Variants in INSC observed in about 807,000 individuals in gnomAD.
INSC encodes the protein INSC spindle orientation adaptor protein, also known as protein inscuteable homolog.
INSC carries 67 observed loss-of-function variants against 58.6 expected under a neutral mutation model. The observed-to-expected ratio is 1.14, with a 90% CI of 0.94 to 1.40. The LOEUF (loss-of-function observed/expected upper bound fraction) is 1.40. INSC is among the 40% of genes most tolerant of loss of function. INSC has a pLI of 0.00. For missense variants in INSC, 714 were observed against 692.0 expected (o/e 1.03, Z -0.36); for synonymous variants, 262 against 276.1 (o/e 0.95, Z 0.51).
intron 2 of INSC, among the ~76,000 whole-genome samples, chr11:15,167,246 A>G (rs1214373540): frequency 2.0e-5 from 3 of 152,078 alleles, no homozygotes; most frequent in African/African-American, 7.2e-5. Flanking sequence ...TTCAGCTGCT[A>G]ATAGGCCAGA....
intron 5 of INSC, among the ~76,000 whole-genome samples, chr11:15,183,249 C>A (rs577336598): frequency 1.5e-4 from 23 of 150,912 alleles, no homozygotes; most frequent in Non-Finnish European, 3.1e-4. Flanking sequence ...TATTTGGGAG[C>A]CTGAGGCAGG....
rs556362548 is a variant in INSC at position 15,209,319 on chromosome 11, G to T, written c.819+8370G>T. ...AGTGTCAATCCCTGCCTTGCAGGTT[G>T]TGAAGATGATACAAGTCAATGCTCC... is the stretch of plus-strand genomic sequence containing the variant. On this transcript the variant is annotated intron_variant, in intron 7 of 12. Transcript: ENST00000379556. Among the ~76,000 whole-genome samples the T allele has an allele frequency of 3.3e-5, 5 of 152,322 alleles. No homozygotes were observed. In the South Asian group the frequency reaches 1.0e-3, roughly 32 times the overall value.
At chr11:15,173,455 G>A (rs1849469810) in intron 2 of INSC, among the ~76,000 whole-genome samples, 1 of 152,138 alleles carries the variant, frequency 6.6e-6, no homozygotes, top group Admixed American at 6.5e-5. Flanking sequence ...GTAATAAGAT[G>A]CAGAAGATTA....
chr11:15,138,656 A>G (rs1051820453), intron 1 of INSC, among the ~76,000 whole-genome samples: 1 of 152,256 alleles, frequency 6.6e-6, no homozygotes, highest in African/African-American at 2.4e-5. Flanking sequence ...CTTCATTGCC[A>G]CAAAGATGGA....
At chr11:15,268,323 A>G in the INSC span, among the ~76,000 whole-genome samples, 3 of 152,076 alleles carry the variant, frequency 2.0e-5, no homozygotes, top group African/African-American at 4.8e-5. Context: ...GACTATAAAG[A>G]AACTACTTTA....
Position 15,202,617 on chromosome 11 carries a change from C to T in INSC, c.819+1668C>T, listed in dbSNP as rs528396218. Among the ~76,000 whole-genome samples, 16 of 152,290 alleles carry T rather than the reference C, an allele frequency of 1.1e-4. 1 individual carries two copies. Among genetic ancestry groups the T allele is most frequent in the South Asian group, 4.1e-4 (2 of 4,826 alleles). On this transcript the variant is annotated intron_variant, in intron 7 of 12. Transcript: ENST00000379556. ...TGTCCTTCCTTGGATAGTGTACAAACGACCAAATGGGGTTTGTTTCTCACC... is the reference window on the plus strand; with the variant it reads ...TGTCCTTCCTTGGATAGTGTACAAATGACCAAATGGGGTTTGTTTCTCACC...
At chr11:15,140,583 C>CTT (rs893928175) in intron 1 of INSC, among the ~76,000 whole-genome samples, 5 of 140,580 alleles carry the variant, frequency 3.6e-5, no homozygotes, top group African/African-American at 2.6e-5. Context: ...TTTCTTTCTT[C>CTT]TTTTTTTTTT....
chr11:15,129,849 C>T (rs1564860104), intron 1 of INSC, among the ~76,000 whole-genome samples: 3 of 152,092 alleles, frequency 2.0e-5, no homozygotes, highest in Non-Finnish European at 2.9e-5. Context: ...GGAAAGGTAC[C>T]GTGTCTGCAG....
At chr11:15,221,416 A>G in intron 7 of INSC, 61 bp from the exon 8 acceptor site, 1 of 1,531,716 alleles carries the variant, frequency 6.5e-7, no homozygotes, top group Non-Finnish European at 8.8e-7. Flanking sequence ...TGTCTCATTA[A>G]TGTCATGGGC....
chr11:15,112,655 G>A (rs1847597677), upstream of INSC: 1 of 262,578 alleles, frequency 3.8e-6, no homozygotes, highest in Non-Finnish European at 7.2e-6. Context: ...AGTGGGGGGG[G>A]GGCATTTATG....
intron 9 of INSC, among the ~76,000 whole-genome samples, chr11:15,231,110 C>A (rs909048850): frequency 6.6e-6 from 1 of 152,202 alleles, no homozygotes; most frequent in East Asian, 1.9e-4. Flanking sequence ...GAGGGCTATA[C>A]CTTCTCCTGG....
chr11:15,236,663 A>G (rs1319450307), intron 10 of INSC, among the ~76,000 whole-genome samples: 1 of 152,228 alleles, frequency 6.6e-6, no homozygotes, highest in Non-Finnish European at 1.5e-5. Flanking sequence ...AGCTGGGAGC[A>G]GAGATGGTGA....
chr11:15,233,062 G>A (rs771940695), intron 9 of INSC, among the ~76,000 whole-genome samples: 5 of 152,162 alleles, frequency 3.3e-5, no homozygotes, highest in Non-Finnish European at 7.3e-5. Context: ...CAGAAGGTTA[G>A]GTAACATGGC....
chr11:15,237,918 T>C (rs1319598658), intron 10 of INSC, among the ~76,000 whole-genome samples: 1 of 152,090 alleles, frequency 6.6e-6, no homozygotes, highest in Non-Finnish European at 1.5e-5. Context: ...ATCAAAAATC[T>C]AAAAAATTGT....
chr11:15,153,965 T>C (rs1252865569), intron 2 of INSC, among the ~76,000 whole-genome samples: 2 of 152,238 alleles, frequency 1.3e-5, no homozygotes, highest in Non-Finnish European at 2.9e-5. Context: ...GTCCCCACTT[T>C]AGTGGAGTTC....
At chr11:15,111,595 T>A (rs952858857), upstream of INSC, among the ~76,000 whole-genome samples, 2 of 152,208 alleles carry the variant, frequency 1.3e-5, no homozygotes, top group Non-Finnish European at 1.5e-5. Context: ...TCTGAGCATG[T>A]GCATGTGTCT....
chr11:15,248,841 G>C (rs969096962), downstream of INSC, among the ~76,000 whole-genome samples: 1 of 152,192 alleles, frequency 6.6e-6, no homozygotes, highest in Non-Finnish European at 1.5e-5. Flanking sequence ...TTAGTAAAGA[G>C]ACTATTTGGA....
intron 1 of INSC, among the ~76,000 whole-genome samples, chr11:15,142,118 C>T (rs756748654): frequency 3.3e-5 from 5 of 152,210 alleles, no homozygotes; most frequent in African/African-American, 4.8e-5. Flanking sequence ...CTGGTTTCCT[C>T]GCTATGGCTC....
intron 9 of INSC, among the ~76,000 whole-genome samples, chr11:15,234,395 A>T (rs1228375181): frequency 1.3e-5 from 2 of 152,228 alleles, no homozygotes; most frequent in Admixed American, 6.5e-5. Context: ...TTTTAAATGT[A>T]TTTGTTATCC....
Sources: gnomAD v4.1 joint callset for allele counts (sites outside exome capture counted in the v4.1 genomes callset) on GRCh38, gnomAD v4.1.1 for gene constraint, MANE v1.5 for transcripts, NCBI Gene and HGNC (gene_info 2026-07-23, HGNC 2026-07-21) for gene names.